Variants in NECTIN3 observed in about 807,000 individuals in gnomAD.
NECTIN3 encodes the protein nectin cell adhesion molecule 3, also known as nectin-3.
A neutral mutation model predicts 49.4 loss-of-function variants in NECTIN3; 8 were observed. The observed-to-expected ratio is 0.16, with a 90% confidence interval of 0.10 to 0.29. The LOEUF is 0.29. NECTIN3 is among the 10% of genes least tolerant of loss of function. The pLI, the probability that NECTIN3 is intolerant of heterozygous loss-of-function variation, is 1.00. For missense variants in NECTIN3, 581 were observed against 654.6 expected (o/e 0.89, Z 1.23); for synonymous variants, 277 against 241.1 (o/e 1.15, Z -1.38).
At chr3:111,156,829 T>C (rs2035107787) in intron 7 of NECTIN3, among the ~76,000 whole-genome samples, 1 of 152,168 alleles carries the variant, frequency 6.6e-6, no homozygotes, top group African/African-American at 2.4e-5. Flanking sequence ...TGATTCCAAA[T>C]TTATTTTGCT....
At chr3:111,122,337 A>T in intron 4 of NECTIN3, 99 bp downstream of exon 4, 1 of 806,890 alleles carries the variant, frequency 1.2e-6, no homozygotes, top group Non-Finnish European at 1.9e-6. Context: ...TGATTATAGT[A>T]ATAGCAGAAA....
upstream of NECTIN3, among the ~76,000 whole-genome samples, chr3:111,187,872 A>C (rs1042616369): frequency 2.0e-5 from 3 of 152,248 alleles, no homozygotes; most frequent in Admixed American, 1.3e-4. Context: ...AGATCGTGTC[A>C]TGATCCATTT....
At chr3:111,185,978 G>A (rs955957779) in intron 7 of NECTIN3, among the ~76,000 whole-genome samples, 32 of 152,186 alleles carry the variant, frequency 2.1e-4, no homozygotes, top group African/African-American at 7.5e-4. Context: ...ATAGTAATTT[G>A]TTCCTTTTTT....
chr3:111,072,898 T>C, intron 1 of NECTIN3: 1 of 217,894 alleles, frequency 4.6e-6, no homozygotes, highest in Non-Finnish European at 9.1e-6. Flanking sequence ...ACCAAAACAG[T>C]CACGCGCCTG....
chr3:111,187,720 A>G (rs1235764840), upstream of NECTIN3, among the ~76,000 whole-genome samples: 2 of 152,204 alleles, frequency 1.3e-5, no homozygotes, highest in African/African-American at 4.8e-5. Flanking sequence ...AATGATTTCC[A>G]CTATATGATA....
At chr3:111,101,410 A>G (rs2032900323) in intron 1 of NECTIN3, among the ~76,000 whole-genome samples, 1 of 152,182 alleles carries the variant, frequency 6.6e-6, no homozygotes, top group Admixed American at 6.5e-5. Context: ...GTTAATGTGT[A>G]GAAAATATTT....
At chr3:111,114,987 G>A (rs372268761) in intron 2 of NECTIN3, among the ~76,000 whole-genome samples, 40 of 152,166 alleles carry the variant, frequency 2.6e-4, no homozygotes, top group Middle Eastern at 3.4e-3. Context: ...AGAATACTAC[G>A]GGACCACTAT....
upstream of NECTIN3, chr3:111,192,255 C>T (rs1211015556): frequency 2.7e-6 from 3 of 1,117,114 alleles, no homozygotes; most frequent in African/African-American, 3.1e-5. Context: ...ACATTTATAA[C>T]AAGACATGAT....
At chr3:111,151,555 T>C (rs957494425) in intron 7 of NECTIN3, among the ~76,000 whole-genome samples, 6 of 151,880 alleles carry the variant, frequency 4.0e-5, no homozygotes, top group Admixed American at 1.3e-4. Context: ...TTTCTGTTTT[T>C]TCTGCAGTGC....
At chr3:111,164,039 T>C (rs2035270937) in intron 7 of NECTIN3, among the ~76,000 whole-genome samples, 2 of 150,986 alleles carry the variant, frequency 1.3e-5, no homozygotes, top group African/African-American at 2.4e-5. Flanking sequence ...AAAAGGAAAC[T>C]TAAGTACAAA....
chr3:111,116,904 G>A (rs138715556), intron 2 of NECTIN3, among the ~76,000 whole-genome samples: 190 of 152,118 alleles, frequency 1.2e-3, no homozygotes, highest in Admixed American at 2.5e-3. Flanking sequence ...CTCTAAGATT[G>A]GGAGTAAATT....
intron 5 of NECTIN3, among the ~76,000 whole-genome samples, chr3:111,142,726 AATG>A (rs1039155565): frequency 9.9e-5 from 15 of 151,374 alleles, no homozygotes; most frequent in South Asian, 2.1e-4. Context: ...AAAAATTTAT[AATG>A]ATCTCTAGAT....
intron 1 of NECTIN3, among the ~76,000 whole-genome samples, chr3:111,074,498 T>A (rs1435417346): frequency 6.6e-6 from 1 of 152,168 alleles, no homozygotes; most frequent in Admixed American, 6.6e-5. Flanking sequence ...TATTTTGATA[T>A]GTTTGATATA....
At chr3:111,169,134 G>T (rs1444557163) in intron 7 of NECTIN3, among the ~76,000 whole-genome samples, 1 of 125,726 alleles carries the variant, frequency 8.0e-6, no homozygotes, top group East Asian at 2.5e-4. Context: ...CTGTCGCCCA[G>T]GCTGGAGTGC....
intron 7 of NECTIN3, among the ~76,000 whole-genome samples, chr3:111,177,663 T>C (rs1364558524): frequency 6.6e-6 from 1 of 152,108 alleles, no homozygotes; most frequent in Non-Finnish European, 1.5e-5. Context: ...TATGGGAAAA[T>C]TTGGAGATAA....
chr3:111,088,694 T>G (rs2032078989), intron 1 of NECTIN3, among the ~76,000 whole-genome samples: 1 of 152,212 alleles, frequency 6.6e-6, no homozygotes, highest in Non-Finnish European at 1.5e-5. Flanking sequence ...CAGTTTGGTT[T>G]TGATGAATAT....
In NECTIN3 at chr3:111,134,013, G is replaced by T; in HGVS notation, c.1448G>T (p.Arg483Leu). ...ENKNPVNNLI[R>L]KDYLEEPEKT... is the part of the protein sequence containing the mutation. ...AAAAATCCAGTGAACAATCTAATAC[G>T]TAAAGACTATTTAGAAGAGCCTGAA... Residue 483 changes from arginine to leucine, a missense_variant, in exon 6 of 6, where the codon CGT (arginine) becomes CTT (leucine). This residue lies in a region of NECTIN3 where 238 missense variants were observed against 244.9 expected (regional missense o/e 0.97). Transcript: ENST00000485303. The T allele has an allele frequency of 6.2e-7, 1 of 1,612,766 alleles. No homozygotes were observed. The highest frequency in any genetic ancestry group is 8.5e-7 in the Non-Finnish European group (1 of 1,179,438).
chr3:111,134,501 A>G lies in NECTIN3; in HGVS notation c.*286A>G. On this transcript the variant is annotated 3_prime_UTR_variant, in exon 6 of 6. Transcript: ENST00000485303. The stretch of plus-strand genomic sequence containing the variant: ...ACAGGTAAGAAGAAATGTCAACATT[A>G]AATGTATGACTTACTTGGTACAAAA... 2 of 1,048,616 alleles carry G rather than the reference A, an allele frequency of 1.9e-6. No homozygotes were observed. Among genetic ancestry groups the G allele is most frequent in the Non-Finnish European group, 2.3e-6 (2 of 866,814 alleles). The allele number at this position is 1,048,616 out of a possible 1,614,324, so 65.0% of individuals were successfully genotyped here. A position where few individuals can be genotyped will look rare whatever the true frequency, so the allele number is the denominator to read the frequency against.
At chr3:111,121,381 T>G (rs1248192255) in intron 3 of NECTIN3, among the ~76,000 whole-genome samples, 2 of 152,172 alleles carry the variant, frequency 1.3e-5, no homozygotes, top group Non-Finnish European at 2.9e-5. Context: ...GATGGTTGAA[T>G]GAATGATAGT....
Sources: allele counts gnomAD v4.1 joint callset (sites outside exome capture counted in the v4.1 genomes callset), GRCh38; gene constraint gnomAD v4.1.1; regional missense constraint gnomAD v4.1.1; transcripts MANE v1.5; gene names NCBI Gene and HGNC (gene_info 2026-07-23, HGNC 2026-07-21).